STK26: variants seen among roughly 807,000 people sequenced by gnomAD.
STK26 encodes serine/threonine kinase 26.
In STK26, 14 loss-of-function variants were observed where a neutral mutation model predicts 34.7. The observed-to-expected ratio is 0.40, with a 90% CI of 0.27 to 0.63. STK26 has a LOEUF of 0.63. Among genes scored for constraint, STK26 ranks in the 30% least tolerant of loss-of-function variants. The pLI, the probability that STK26 is intolerant of heterozygous loss-of-function variation, is 0.38. For synonymous variants in STK26, 100 were observed against 109.8 expected, an observed-to-expected ratio of 0.91 and a Z score of 0.56; for missense variants, 226 against 309.1, an observed-to-expected ratio of 0.73 and a Z score of 2.02.
Position 132,028,151 on chromosome X carries a change from T to C in STK26, c.42+4492T>C, listed in dbSNP as rs951500320. 3.7e-5 allele frequency among the ~76,000 whole-genome samples: 4 copies of C among 108,013 alleles called. No individual in the cohort carries two copies. The Admixed American group carries it at 4.0e-4, about 11-fold the overall frequency. The allele number at this position is 108,013 out of a possible 115,157, so 93.8% of individuals were successfully genotyped here. A position where few individuals can be genotyped will look rare whatever the true frequency, so the allele number is the denominator to read the frequency against. The stretch of plus-strand genomic sequence containing the variant: ...AAGTGCTAGGATTACAGGCGTGAGC[T>C]ACTGCGCCTGGCTACAGAGGCTATT... On this transcript the variant is annotated intron_variant, in intron 2 of 11. Transcript: ENST00000394334.
At chrX:132,059,067 G>A (rs184320923) in intron 3 of STK26, among the ~76,000 whole-genome samples, 8 of 111,619 alleles carry the variant, frequency 7.2e-5, no homozygotes, top group Admixed American at 1.9e-4. Context: ...ATGACTGTGT[G>A]GGTTTGTATT....
chrX:132,054,826 T>C lies in STK26; in HGVS notation c.238T>C (p.Ser80Pro). 8.3e-7 allele frequency: 1 copy of C among 1,208,001 alleles called. No homozygotes were observed. The highest frequency in any genetic ancestry group is 1.8e-5 in the South Asian group (1 of 56,754). The part of the protein sequence containing the change: ...EITVLSQCDS[S>P]YVTKYYGSYL... ...AACTGTCTTGAGTCAATGTGACAGC[T>C]CATATGTAACAAAATACTATGGGTC... Residue 80 changes from serine (S) to proline (P), a missense_variant, in exon 3 of 12, where the codon TCA becomes CCA. Ser to Pro is a moderately conservative substitution (Grantham distance 74, BLOSUM62 -1). Around this residue, in one of 2 missense-constraint regions of STK26, gnomAD observed 100 missense variants for 176.7 expected, o/e 0.57. Coordinates refer to ENST00000394334, the MANE Select transcript of STK26 (RefSeq NM_016542.4).
At chrX:132,036,924 T>G (rs1017269243) in intron 2 of STK26, among the ~76,000 whole-genome samples, 1 of 112,311 alleles carries the variant, frequency 8.9e-6, no homozygotes, top group African/African-American at 3.2e-5. Context: ...CAACTATTTT[T>G]TAAAAGTAGA....
intron 3 of STK26, among the ~76,000 whole-genome samples, chrX:132,062,629 A>G (rs768993658): frequency 1.2e-4 from 14 of 112,537 alleles, no homozygotes; most frequent in Admixed American, 1.2e-3. Flanking sequence ...ATGAAAGCCA[A>G]CAACTGAAAT....
intron 2 of STK26, 82 bp from the exon 3 acceptor site, chrX:132,054,549 A>C: frequency 1.2e-6 from 1 of 855,705 alleles, no homozygotes; most frequent in Non-Finnish European, 1.7e-6. Context: ...TTATTGTCTT[A>C]TGTGATTTAT....
chrX:132,072,660 A>C (rs45471491), intron 9 of STK26, among the ~76,000 whole-genome samples, 153 bp from the exon 10 acceptor site: 9,827 of 111,889 alleles, frequency 0.088, 379 homozygotes, highest in Non-Finnish European at 0.11. Context: ...GATGAATGAG[A>C]ATGAATGATA....
chrX:132,062,415 C>T (rs985178511), intron 3 of STK26, among the ~76,000 whole-genome samples: 1 of 112,270 alleles, frequency 8.9e-6, no homozygotes, highest in Non-Finnish European at 1.9e-5. Flanking sequence ...ACATATATTC[C>T]TCCCAGGAGC....
intron 2 of STK26, among the ~76,000 whole-genome samples, chrX:132,047,648 GA>G (rs969539567): frequency 3.3e-3 from 357 of 108,012 alleles, no homozygotes; most frequent in Non-Finnish European, 4.6e-3. Context: ...TATTGACATG[GA>G]AAAAAAAATA....
chrX:132,023,617 C>T lies in STK26; in HGVS notation c.-1C>T. On this transcript the variant is annotated 5_prime_UTR_variant, in exon 2 of 12. Coordinates refer to ENST00000394334, the MANE Select transcript of STK26 (RefSeq NM_016542.4). Reference sequence around the variant, plus strand: ...AGCGGAGCGAGGCAGCATTCGCCTCCATGGCCCACTCGCCGGTGGCTGTCC... The same window carrying T: ...AGCGGAGCGAGGCAGCATTCGCCTCTATGGCCCACTCGCCGGTGGCTGTCC... 8.5e-7 allele frequency: 1 copy of T among 1,174,559 alleles called. No individual in the cohort carries two copies. Among genetic ancestry groups the T allele is most frequent in the East Asian group, 3.2e-5 (1 of 31,473 alleles).
Position 132,039,618 on chromosome X carries a change from T to A in STK26, c.43-15013T>A, listed in dbSNP as rs756370613. ...TCAGGTACTCATTCCAGGCAAATTT[T>A]GAATTTGATGTAAATAATTTTTAAC... On this transcript the variant is annotated intron_variant, in intron 2 of 11. Transcript: ENST00000394334. 2.7e-4 allele frequency among the ~76,000 whole-genome samples: 30 copies of A among 112,041 alleles called. No homozygotes were observed. The South Asian group carries it at 0.01, about 38-fold the overall frequency.
At chrX:132,032,434 G>A (rs984713204) in intron 2 of STK26, among the ~76,000 whole-genome samples, 1 of 111,674 alleles carries the variant, frequency 9.0e-6, no homozygotes, top group East Asian at 2.8e-4. Context: ...TGAAGAAATC[G>A]AAGCCATTGT....
chrX:132,061,351 C>G (rs944716808), intron 3 of STK26, among the ~76,000 whole-genome samples: 1 of 111,940 alleles, frequency 8.9e-6, no homozygotes, highest in African/African-American at 3.2e-5. Flanking sequence ...AGTCACAATT[C>G]TCAGGTTGCG....
At chrX:132,030,328 T>G (rs1055333194) in intron 2 of STK26, among the ~76,000 whole-genome samples, 4 of 110,302 alleles carry the variant, frequency 3.6e-5, no homozygotes, top group African/African-American at 1.3e-4. Flanking sequence ...TCTCCTTCCT[T>G]CTACTTGTAC....
intron 2 of STK26, among the ~76,000 whole-genome samples, chrX:132,039,758 T>G (rs1340111494): frequency 8.9e-6 from 1 of 111,980 alleles, no homozygotes; most frequent in East Asian, 2.8e-4. Context: ...TTCTTTGAAA[T>G]TTTGAATTTT....
intron 2 of STK26, among the ~76,000 whole-genome samples, chrX:132,044,692 G>T (rs34933194): frequency 0.1 from 5,655 of 55,488 alleles, 769 homozygotes; most frequent in Middle Eastern, 0.22. Context: ...TATATATAGA[G>T]AGAGAGAGAG....
intron 2 of STK26, among the ~76,000 whole-genome samples, chrX:132,030,140 G>A (rs1317012902): frequency 8.9e-6 from 1 of 111,955 alleles, no homozygotes; most frequent in Non-Finnish European, 1.9e-5. Context: ...TGATTTTCAT[G>A]TATTATGTAT....
intron 2 of STK26, among the ~76,000 whole-genome samples, chrX:132,041,741 A>T (rs1375442142): frequency 9.2e-6 from 1 of 109,182 alleles, no homozygotes; most frequent in Non-Finnish European, 1.9e-5. Flanking sequence ...ACTATATAGC[A>T]TTTTTTTTTA....
At chrX:132,028,031 G>GTTT (rs546393727) in intron 2 of STK26, among the ~76,000 whole-genome samples, 19,650 of 78,116 alleles carry the variant, frequency 0.25, 2,787 homozygotes, top group Non-Finnish European at 0.34. Flanking sequence ...AATTTTTATG[G>GTTT]TTTTTTTTTT....
At chrX:132,070,836 G>A (rs1216554191) in intron 7 of STK26, among the ~76,000 whole-genome samples, 2 of 113,013 alleles carry the variant, frequency 1.8e-5, no homozygotes, top group African/African-American at 6.4e-5. Context: ...GCCACCTGCT[G>A]CCCGTTGGGC....
Sources: allele counts gnomAD v4.1 joint callset (sites outside exome capture counted in the v4.1 genomes callset), GRCh38; gene constraint gnomAD v4.1.1; regional missense constraint gnomAD v4.1.1; transcripts MANE v1.5; gene names NCBI Gene and HGNC (gene_info 2026-07-23, HGNC 2026-07-21).